Variants in PTPRD observed in about 807,000 individuals in gnomAD.
PTPRD encodes receptor-type tyrosine-protein phosphatase delta.
Under a neutral mutation model 214.5 loss-of-function variants are expected in PTPRD, and 34 were observed. The ratio of observed to expected loss-of-function variants is 0.16; its 90% CI spans 0.12 to 0.21. The LOEUF (loss-of-function observed/expected upper bound fraction) is 0.21. Ranked by LOEUF, PTPRD falls within the 10% of genes least tolerant of loss-of-function variation. The pLI, the probability that PTPRD is intolerant of heterozygous loss-of-function variation, is 1.00. For missense variants in PTPRD, 2,545 were observed against 2,398.7 expected (o/e 1.06, Z -1.27); for synonymous variants, 1,128 against 845.7 (o/e 1.33, Z -5.79).
intron 3 of PTPRD, among the ~76,000 whole-genome samples, chr9:10,141,653 T>A (rs1014184247): frequency 3.3e-5 from 5 of 151,946 alleles, no homozygotes; most frequent in African/African-American, 1.2e-4. Flanking sequence ...GAACAATCAA[T>A]ATCGTGAAAA....
chr9:8,332,798 TAGAG>T (rs774124232), intron 43 of PTPRD, among the ~76,000 whole-genome samples: 29 of 152,284 alleles, frequency 1.9e-4, no homozygotes, highest in Non-Finnish European at 3.8e-4. Flanking sequence ...AATCCAAGCT[TAGAG>T]AGACCGATCT....
chr9:8,482,789 C>G (rs948090144), intron 30 of PTPRD, among the ~76,000 whole-genome samples: 1 of 152,146 alleles, frequency 6.6e-6, no homozygotes, highest in Non-Finnish European at 1.5e-5. Flanking sequence ...GCTCTGGGAT[C>G]CAGCCGTATG....
intron 3 of PTPRD, among the ~76,000 whole-genome samples, chr9:10,097,713 A>C (rs1419048612): frequency 1.3e-5 from 2 of 151,500 alleles, no homozygotes; most frequent in Non-Finnish European, 2.9e-5. Flanking sequence ...CTCTTTTCCT[A>C]ATTGAATGCC....
At chr9:8,609,428 G>C (rs896049582) in intron 14 of PTPRD, among the ~76,000 whole-genome samples, 1 of 152,184 alleles carries the variant, frequency 6.6e-6, no homozygotes, top group East Asian at 1.9e-4. Flanking sequence ...AGATTGATGA[G>C]TTGTGAAAAG....
intron 11 of PTPRD, among the ~76,000 whole-genome samples, chr9:8,997,732 T>C (rs2099402431): frequency 6.6e-6 from 1 of 152,130 alleles, no homozygotes; most frequent in African/African-American, 2.4e-5. Context: ...GAGGAAGGAA[T>C]GTGAAACACC....
At chr9:9,887,589 T>C (rs571962872) in intron 5 of PTPRD, among the ~76,000 whole-genome samples, 2 of 152,222 alleles carry the variant, frequency 1.3e-5, no homozygotes, top group East Asian at 3.9e-4. Context: ...GCAGGACTCT[T>C]TAGTGAGAAC....
chr9:8,780,361 G>A (rs1448114529), intron 11 of PTPRD, among the ~76,000 whole-genome samples: 1 of 141,184 alleles, frequency 7.1e-6, no homozygotes, highest in African/African-American at 2.8e-5. Flanking sequence ...TACCAATTCT[G>A]AGCTCAACCT....
At chr9:8,945,314 T>C (rs1043591234) in intron 11 of PTPRD, among the ~76,000 whole-genome samples, 1 of 148,524 alleles carries the variant, frequency 6.7e-6, no homozygotes, top group Non-Finnish European at 1.5e-5. Context: ...GAATAAAATA[T>C]ATATTTGGAA....
At chr9:8,756,301 G>A (rs1172597053) in intron 11 of PTPRD, among the ~76,000 whole-genome samples, 3 of 152,094 alleles carry the variant, frequency 2.0e-5, no homozygotes, top group African/African-American at 7.2e-5. Context: ...GATTTGCTAG[G>A]TTTTGTTGTC....
At position 9,608,319 on chromosome 9, in the gene PTPRD, C is replaced by T. The variant is rs1052565430; in HGVS notation, c.-286-33538G>A. ...TAAAGTAATATATACAATTTTAAAGCCTCTGGTGCATGGTTATTTAACCTT... is the reference window on the plus strand; with the variant it reads ...TAAAGTAATATATACAATTTTAAAGTCTCTGGTGCATGGTTATTTAACCTT... On this transcript the variant is annotated intron_variant, in intron 7 of 45. Coordinates refer to ENST00000381196, the MANE Select transcript of PTPRD (RefSeq NM_002839.4). Among the ~76,000 whole-genome samples the T allele has an allele frequency of 6.6e-5, 10 of 152,044 alleles. 1 individual carries two copies. The highest frequency in any genetic ancestry group is 6.6e-4 in the Admixed American group (10 of 15,258).
chr9:10,282,537 A>T (rs1339808515), intron 3 of PTPRD, among the ~76,000 whole-genome samples: 1 of 152,134 alleles, frequency 6.6e-6, no homozygotes, highest in Non-Finnish European at 1.5e-5. Context: ...GAAATTTCCA[A>T]TTTAAATGAT....
intron 11 of PTPRD, among the ~76,000 whole-genome samples, chr9:8,821,426 G>A (rs1026861776): frequency 2.0e-5 from 3 of 152,122 alleles, no homozygotes; most frequent in African/African-American, 4.8e-5. Context: ...CAACCCCTAG[G>A]AATTCAAGGT....
At chr9:9,060,257 AG>A (rs2099704618) in intron 10 of PTPRD, among the ~76,000 whole-genome samples, 1 of 152,176 alleles carries the variant, frequency 6.6e-6, no homozygotes, top group African/African-American at 2.4e-5. Context: ...ATGCAAACAT[AG>A]AGAGTTGATT....
At chr9:9,964,678 C>G (rs1444276817) in intron 4 of PTPRD, among the ~76,000 whole-genome samples, 1 of 152,072 alleles carries the variant, frequency 6.6e-6, no homozygotes, top group African/African-American at 2.4e-5. Context: ...CCTATTCAAA[C>G]TGTGGTTAGC....
At chr9:9,873,994 T>A (rs950260942) in intron 5 of PTPRD, among the ~76,000 whole-genome samples, 2 of 152,142 alleles carry the variant, frequency 1.3e-5, no homozygotes, top group African/African-American at 4.8e-5. Context: ...AAGAGACCAA[T>A]TTCTTCTTAA....
chr9:8,843,272 T>C (rs2097601589), intron 11 of PTPRD, among the ~76,000 whole-genome samples: 1 of 152,254 alleles, frequency 6.6e-6, no homozygotes, highest in Admixed American at 6.5e-5. Flanking sequence ...TGTCTGTCAT[T>C]AGGCAAAATG....
chr9:10,001,717 G>A (rs1397180626), intron 4 of PTPRD, among the ~76,000 whole-genome samples: 2 of 151,812 alleles, frequency 1.3e-5, no homozygotes, highest in African/African-American at 4.8e-5. Context: ...ATTAATTAAT[G>A]TAACTCACCA....
At chr9:10,219,030 C>T (rs1018593181) in intron 3 of PTPRD, among the ~76,000 whole-genome samples, 1 of 151,706 alleles carries the variant, frequency 6.6e-6, no homozygotes, top group Non-Finnish European at 1.5e-5. Context: ...ACCGAGGCAC[C>T]ACTTGAAAGT....
At position 10,071,216 on chromosome 9, in the gene PTPRD, C is replaced by A. The variant is rs570114327; in HGVS notation, c.-544-37426G>T. On this transcript the variant is annotated intron_variant, in intron 3 of 45. Coordinates refer to ENST00000381196, the MANE Select transcript of PTPRD (RefSeq NM_002839.4). ...TCCCTACATGAATATAGATCTAACA[C>A]AATTTTCATTCAAATCCAAGCAAGA... 7.2e-5 allele frequency among the ~76,000 whole-genome samples: 11 copies of A among 152,100 alleles called. No homozygotes were observed. In the East Asian group the frequency reaches 2.1e-3, roughly 30 times the overall value.
Sources: allele counts gnomAD v4.1 joint callset (sites outside exome capture counted in the v4.1 genomes callset), GRCh38; gene constraint gnomAD v4.1.1; transcripts MANE v1.5; gene names NCBI Gene and HGNC (gene_info 2026-07-23, HGNC 2026-07-21).